The following PCDHGC4 variants were observed in gnomAD, a reference collection of about 807,000 sequenced individuals.
The protein encoded by PCDHGC4 is protocadherin gamma subfamily C, 4, also known as protocadherin gamma-C4.
PCDHGC4 carries 15 observed loss-of-function variants against 59.7 expected under a neutral mutation model. The ratio of observed to expected loss-of-function variants is 0.25; its 90% CI spans 0.17 to 0.39. The LOEUF (loss-of-function observed/expected upper bound fraction) is 0.39. PCDHGC4 is among the 10% of genes least tolerant of loss of function. The probability of loss-of-function intolerance (pLI) is 1.00; values close to 1 mark genes in which losing one functional copy is unlikely to be tolerated. For synonymous variants in PCDHGC4, 434 were observed against 481.4 expected (o/e 0.90, Z 1.29); for missense variants, 1,016 against 1,189.5 (o/e 0.85, Z 2.15).
In PCDHGC4 at chr5:141,487,128, G is replaced by T. The variant is rs565927415; in HGVS notation, c.1955G>T (p.Ser652Ile). Residue 652 changes from serine (S) to isoleucine (I), a missense_variant, in exon 1 of 4, where the codon AGT (serine) becomes ATT (isoleucine). By Grantham distance (142) the Ser-to-Ile change is moderately radical (BLOSUM62 -2). Transcript: ENST00000306593. This position sits in a 1 kb window ranked among gnomAD's most constrained non-coding sequence, Gnocchi z 5.0. ...GTCATTGTGGTAAAGGATAGTGGTA[G>T]TCCACCACTCTCTACCTCTGTTACT... ...KLVIVVKDSG[S>I]PPLSTSVTLL... The T allele has an allele frequency of 6.3e-5, 102 of 1,614,086 alleles. No individual in the cohort carries two copies. The South Asian group carries it at 7.7e-4, about 12-fold the overall frequency.
chr5:141,505,450 G>T lies in PCDHGC4; in HGVS notation c.2559G>T (p.Met853Ile). Residue 853 changes from methionine (M) to isoleucine (I), a missense_variant, in exon 3 of 4, where the codon ATG becomes ATT. By Grantham distance (10) the Met-to-Ile change is conservative (BLOSUM62 1). Coordinates refer to ENST00000306593, the MANE Select transcript of PCDHGC4 (RefSeq NM_018928.3). ...TWPNNQFDTE[M>I]LQAMILASAS... ...CCAACAACCAGTTTGACACAGAGAT[G>T]CTGCAAGCCATGATCTTGGCGTCCG... 6.2e-7 allele frequency: 1 copy of T among 1,614,194 alleles called. No homozygotes were observed. The highest frequency in any genetic ancestry group is 8.5e-7 in the Non-Finnish European group (1 of 1,180,012).
At chr5:141,501,837 G>C (rs2099811299) in intron 2 of PCDHGC4, among the ~76,000 whole-genome samples, 1 of 152,018 alleles carries the variant, frequency 6.6e-6, no homozygotes, top group Admixed American at 6.5e-5. Flanking sequence ...CCACCTGTTT[G>C]GCCCTCAACC....
rs919375073 is a variant in PCDHGC4 at position 141,490,642 on chromosome 5, C to A, written c.2442+3027C>A. On this transcript the variant is annotated intron_variant, in intron 1 of 3. Coordinates refer to ENST00000306593, the MANE Select transcript of PCDHGC4 (RefSeq NM_018928.3). This position sits in a 1 kb window ranked among gnomAD's most constrained non-coding sequence, Gnocchi z 5.4. ...CACTGCTTACATCCTAGAAAACCGG[C>A]CTCCGGGCTCCCTTCTTTGCACTGT... 4.3e-6 allele frequency: 7 copies of A among 1,614,102 alleles called. No individual in the cohort carries two copies. In the African/African-American group the frequency reaches 6.7e-5, roughly 15 times the overall value.
intron 2 of PCDHGC4, among the ~76,000 whole-genome samples, chr5:141,497,478 C>T (rs974494984): frequency 6.0e-5 from 9 of 150,954 alleles, no homozygotes; most frequent in South Asian, 4.2e-4. Context: ...GGAGAAGGTG[C>T]GGAACCTCTC....
intron 2 of PCDHGC4, among the ~76,000 whole-genome samples, chr5:141,498,848 G>T (rs930895553): frequency 6.6e-6 from 1 of 151,908 alleles, no homozygotes; most frequent in African/African-American, 2.4e-5. Context: ...CAGGGGAATC[G>T]CTTGAACCCA....
Position 141,490,532 on chromosome 5 carries a change from C to T in PCDHGC4, c.2442+2917C>T. Reference sequence around the variant, plus strand: ...GAGCTGCTGGCCAGCGATGCTGGTTCACCTTCCCTACACAAACATCTCACC... The same window carrying T: ...GAGCTGCTGGCCAGCGATGCTGGTTTACCTTCCCTACACAAACATCTCACC... On this transcript the variant is annotated intron_variant, in intron 1 of 3. Coordinates refer to ENST00000306593, the MANE Select transcript of PCDHGC4 (RefSeq NM_018928.3). This position sits in a 1 kb window ranked among gnomAD's most constrained non-coding sequence, Gnocchi z 5.4. 6.2e-7 allele frequency: 1 copy of T among 1,614,142 alleles called. No homozygotes were observed. Among genetic ancestry groups the T allele is most frequent in the Non-Finnish European group, 8.5e-7 (1 of 1,180,030 alleles).
Position 141,491,680 on chromosome 5 carries a change from A to G in PCDHGC4, c.2443-3127A>G. The G allele has an allele frequency of 6.2e-7, 1 of 1,613,304 alleles. No individual in the cohort carries two copies. The highest frequency in any genetic ancestry group is 2.2e-5 in the East Asian group (1 of 44,820). ...TGACGCCATCCGGTCCCGCTCTAATACGCTGCGGGAGCGGAGCCAGGTGAG... is the reference window on the plus strand; with the variant it reads ...TGACGCCATCCGGTCCCGCTCTAATGCGCTGCGGGAGCGGAGCCAGGTGAG... On this transcript the variant is annotated intron_variant, in intron 1 of 3. Transcript: ENST00000306593. The surrounding 1 kb of genome is among the most constrained non-coding windows in gnomAD (Gnocchi z 6.9).
intron 2 of PCDHGC4, among the ~76,000 whole-genome samples, chr5:141,501,294 C>CAT (rs200497585): frequency 0.16 from 9,924 of 62,810 alleles, 350 homozygotes; most frequent in Non-Finnish European, 0.25. Flanking sequence ...CCCTTATACA[C>CAT]ACACACACAC....
rs775312856 is a variant in PCDHGC4, at chr5:141,485,899, C to G, written c.726C>G (p.Phe242Leu). 1.9e-6 allele frequency: 3 copies of G among 1,614,166 alleles called. No homozygotes were observed. Among genetic ancestry groups the G allele is most frequent in the Non-Finnish European group, 2.5e-6 (3 of 1,180,032 alleles). ...ACGTAAACGACAACGCCCCAGCCTT[C>G]CAGCAATCCAGCTACAGGATTAGTG... ...VLDVNDNAPA[F>L]QQSSYRISVL... Residue 242 changes from phenylalanine to leucine, a missense_variant, in exon 1 of 4, where the codon TTC becomes TTG. Transcript: ENST00000306593. The surrounding 1 kb of genome is among the most constrained non-coding windows in gnomAD (Gnocchi z 5.7).
In PCDHGC4 at chr5:141,486,680, T is replaced by A; in HGVS notation, c.1507T>A (p.Ser503Thr). The A allele has an allele frequency of 6.2e-7, 1 of 1,614,102 alleles. No homozygotes were observed. Among genetic ancestry groups the A allele is most frequent in the Non-Finnish European group, 8.5e-7 (1 of 1,180,018 alleles). ...CCTGGAGCCCAGGAATCGAGATGTA[T>A]CAGCTTCCTCTTTCATCTCTCTGAA... is the stretch of plus-strand genomic sequence containing the variant. ...SLLEPRNRDV[S>T]ASSFISLNPQ... is the part of the protein sequence containing the mutation. Residue 503 changes from serine to threonine, a missense_variant, in exon 1 of 4, where the codon TCA becomes ACA. Coordinates refer to ENST00000306593, the MANE Select transcript of PCDHGC4 (RefSeq NM_018928.3). This position sits in a 1 kb window ranked among gnomAD's most constrained non-coding sequence, Gnocchi z 5.0.
Position 141,491,763 on chromosome 5 carries a change from T to A in PCDHGC4, c.2443-3044T>A. 1 of 1,570,222 alleles carries A rather than the reference T, an allele frequency of 6.4e-7. No individual in the cohort carries two copies. The highest frequency in any genetic ancestry group is 8.6e-7 in the Non-Finnish European group (1 of 1,159,286). On this transcript the variant is annotated intron_variant, in intron 1 of 3. Transcript: ENST00000306593. This position sits in a 1 kb window ranked among gnomAD's most constrained non-coding sequence, Gnocchi z 6.9. ...GCGGCACTGGAGAAGCCGCCCGTCC[T>A]CATAAGGGATTGAACTTGCATCCAC... is the stretch of plus-strand genomic sequence containing the variant.
intron 2 of PCDHGC4, among the ~76,000 whole-genome samples, chr5:141,503,398 C>A (rs1374324008): frequency 6.6e-6 from 1 of 151,784 alleles, no homozygotes; most frequent in African/African-American, 2.4e-5. Flanking sequence ...AGTTCGAAAC[C>A]AACCTGGCCA....
Position 141,489,087 on chromosome 5 carries a change from TGA to T in PCDHGC4, c.2442+1473_2442+1474del. The T allele has an allele frequency of 4.6e-6, 1 of 216,098 alleles. No individual in the cohort carries two copies. 13.4% of individuals were successfully genotyped at this position (216,098 alleles called of 1,614,324 possible). ...CCCCCTGCCCACCCCCGCCACTCGGTGACTAAGAACTGCTGCAAGCAGGCAAA... is the reference window on the plus strand; with the variant it reads ...CCCCCTGCCCACCCCCGCCACTCGGTCTAAGAACTGCTGCAAGCAGGCAAA... On this transcript the variant is annotated intron_variant, in intron 1 of 3. Transcript: ENST00000306593. The surrounding 1 kb of genome is among the most constrained non-coding windows in gnomAD (Gnocchi z 4.5).
At chr5:141,505,780 G>A (rs1595982811) in intron 3 of PCDHGC4, among the ~76,000 whole-genome samples, 1 of 139,456 alleles carries the variant, frequency 7.2e-6, no homozygotes, top group Non-Finnish European at 1.6e-5. Flanking sequence ...TCCTAGCTCT[G>A]CTACTATCCT....
chr5:141,505,883 T>C (rs1225759976), intron 3 of PCDHGC4, among the ~76,000 whole-genome samples: 1 of 152,118 alleles, frequency 6.6e-6, no homozygotes, highest in East Asian at 1.9e-4. Flanking sequence ...GTTGTAGAGA[T>C]TAAATGAGAT....
At position 141,490,908 on chromosome 5, in the gene PCDHGC4, C is replaced by A; in HGVS notation, c.2442+3293C>A. On this transcript the variant is annotated intron_variant, in intron 1 of 3. Coordinates refer to ENST00000306593, the MANE Select transcript of PCDHGC4 (RefSeq NM_018928.3). The surrounding 1 kb of genome is among the most constrained non-coding windows in gnomAD (Gnocchi z 5.4). The stretch of plus-strand genomic sequence containing the variant: ...CATCTCTGCATGTGTTTGTCCTAGA[C>A]GAGAATGATAATGCCCCAGCTGTGC... The A allele has an allele frequency of 6.2e-7, 1 of 1,613,710 alleles. No homozygotes were observed. Among genetic ancestry groups the A allele is most frequent in the Non-Finnish European group, 8.5e-7 (1 of 1,179,754 alleles).
chr5:141,486,011 T>C lies in PCDHGC4; in HGVS notation c.838T>C (p.Tyr280His). The C allele has an allele frequency of 6.2e-7, 1 of 1,614,188 alleles. No individual in the cohort carries two copies. Among genetic ancestry groups the C allele is most frequent in the Non-Finnish European group, 8.5e-7 (1 of 1,180,014 alleles). ...GGGTCCCAGTGGTAACGTCACCTTTTATTTCAGTGGTCATACCCCTGATCG... is the reference window on the plus strand; with the variant it reads ...GGGTCCCAGTGGTAACGTCACCTTTCATTTCAGTGGTCATACCCCTGATCG... ...DLGPSGNVTF[Y>H]FSGHTPDRVR... Residue 280 changes from tyrosine (Y) to histidine (H), a missense_variant, in exon 1 of 4, where the codon TAT becomes CAT. Coordinates refer to ENST00000306593, the MANE Select transcript of PCDHGC4 (RefSeq NM_018928.3). This position sits in a 1 kb window ranked among gnomAD's most constrained non-coding sequence, Gnocchi z 5.0.
chr5:141,497,312 G>A (rs940721317), intron 2 of PCDHGC4, among the ~76,000 whole-genome samples: 7 of 152,038 alleles, frequency 4.6e-5, no homozygotes, highest in African/African-American at 1.7e-4. Flanking sequence ...CCATACACTG[G>A]CTTTGAAGCA....
At position 141,485,272 on chromosome 5, in the gene PCDHGC4, C is replaced by T. The variant is rs764196730; in HGVS notation, c.99C>T (p.Tyr33=). The T allele has an allele frequency of 1.9e-6, 3 of 1,613,948 alleles. No homozygotes were observed. The highest frequency in any genetic ancestry group is 2.7e-5 in the African/African-American group (2 of 74,932). Residue 33 remains tyrosine, a synonymous_variant, in exon 1 of 4, where the codon TAC becomes TAT. Transcript: ENST00000306593. The surrounding 1 kb of genome is among the most constrained non-coding windows in gnomAD (Gnocchi z 5.7). ...HLGYVCGQIR[Y]PVPEESQEGT... ...GTTACGTTTGTGGGCAGATCCGCTACCCGGTCCCAGAGGAGTCACAGGAAG... is the reference window on the plus strand; with the variant it reads ...GTTACGTTTGTGGGCAGATCCGCTATCCGGTCCCAGAGGAGTCACAGGAAG...
Sources: allele counts gnomAD v4.1 joint callset (sites outside exome capture counted in the v4.1 genomes callset), GRCh38; gene constraint gnomAD v4.1.1; non-coding constraint Gnocchi (gnomAD v3.1); transcripts MANE v1.5; gene names NCBI Gene and HGNC (gene_info 2026-07-23, HGNC 2026-07-21).